ITGA8: variants seen among roughly 807,000 people sequenced by gnomAD.
ITGA8 encodes integrin subunit alpha 8.
ITGA8 carries 91 observed loss-of-function variants against 142.3 expected under a neutral mutation model. The observed-to-expected ratio is 0.64, with a 90% CI of 0.54 to 0.76. The LOEUF is 0.76. Among genes scored for constraint, ITGA8 ranks in the 30% least tolerant of loss-of-function variants. The probability of loss-of-function intolerance (pLI) is 0.00; values close to 1 mark genes in which losing one functional copy is unlikely to be tolerated. For synonymous variants in ITGA8, 505 were observed against 485.2 expected (o/e 1.04, Z -0.54); for missense variants, 1,406 against 1,327.7 (o/e 1.06, Z -0.92).
At chr10:15,546,889 A>G (rs545201430) in intron 27 of ITGA8, among the ~76,000 whole-genome samples, 1 of 152,148 alleles carries the variant, frequency 6.6e-6, no homozygotes, top group Admixed American at 6.5e-5. Flanking sequence ...AGGGAAAGGA[A>G]GAAAGGAAGA....
intron 2 of ITGA8, among the ~76,000 whole-genome samples, chr10:15,692,158 C>A (rs1417767022): frequency 1.3e-5 from 2 of 152,002 alleles, no homozygotes; most frequent in Non-Finnish European, 2.9e-5. Context: ...GCCTTGAACT[C>A]CTGAACTCAA....
At chr10:15,710,422 C>G (rs2131737219) in intron 2 of ITGA8, among the ~76,000 whole-genome samples, 1 of 152,276 alleles carries the variant, frequency 6.6e-6, no homozygotes, top group South Asian at 2.1e-4. Flanking sequence ...TGCCCCTTTT[C>G]TTTCTTCTTA....
chr10:15,623,289 C>T (rs1833525900), intron 13 of ITGA8, among the ~76,000 whole-genome samples: 1 of 152,104 alleles, frequency 6.6e-6, no homozygotes, highest in African/African-American at 2.4e-5. Context: ...AAGTTTAAAC[C>T]CAGGCAGTCT....
At chr10:15,593,632 T>C (rs1250993609) in intron 21 of ITGA8, among the ~76,000 whole-genome samples, 2 of 152,182 alleles carry the variant, frequency 1.3e-5, no homozygotes, top group Non-Finnish European at 2.9e-5. Flanking sequence ...ATCATCTCTT[T>C]TGTCATAAAT....
At chr10:15,709,509 A>G (rs932663577) in intron 2 of ITGA8, among the ~76,000 whole-genome samples, 13 of 152,216 alleles carry the variant, frequency 8.5e-5, no homozygotes, top group Non-Finnish European at 1.3e-4. Context: ...CTAAACACCA[A>G]TTCATGCTAT....
chr10:15,643,915 C>T (rs1833915558), intron 13 of ITGA8, 115 bp downstream of exon 13: 2 of 869,880 alleles, frequency 2.3e-6, no homozygotes, highest in Non-Finnish European at 3.4e-6. Flanking sequence ...CTGTGGCATG[C>T]TTAAGCTTCA....
rs1342506123 is a variant in ITGA8, at chr10:15,719,906, G to A, written c.-135C>T. ...TCGGTGCGCTCGGCGCACCCGTGGT[G>A]ACAGTGCCCGGCGTCTGCTCCCACC... is the stretch of plus-strand genomic sequence containing the variant. On this transcript the variant is annotated 5_prime_UTR_variant, in exon 1 of 30. Transcript: ENST00000378076. 4.6e-6 allele frequency: 3 copies of A among 654,288 alleles called. No individual in the cohort carries two copies. Among genetic ancestry groups the A allele is most frequent in the Non-Finnish European group, 6.6e-6 (3 of 455,586 alleles). The allele number at this position is 654,288 out of a possible 1,614,324, so 40.5% of individuals were successfully genotyped here.
chr10:15,626,548 G>A (rs1007987334), intron 13 of ITGA8, among the ~76,000 whole-genome samples: 7 of 152,038 alleles, frequency 4.6e-5, no homozygotes, highest in East Asian at 3.9e-4. Flanking sequence ...CAATCAAATC[G>A]CTGCTCCTAA....
chr10:15,607,017 A>T (rs974793738), intron 17 of ITGA8, among the ~76,000 whole-genome samples: 7 of 152,130 alleles, frequency 4.6e-5, no homozygotes, highest in Admixed American at 2.6e-4. Context: ...TTGTTTGCCA[A>T]TCAAGGGTCA....
chr10:15,637,568 G>A (rs1268348611), intron 13 of ITGA8, among the ~76,000 whole-genome samples: 1 of 149,072 alleles, frequency 6.7e-6, no homozygotes, highest in Non-Finnish European at 1.5e-5. Flanking sequence ...CTGGAGTGCA[G>A]TGGTGAGATC....
intron 23 of ITGA8, 52 bp downstream of exon 23, chr10:15,586,532 T>C: frequency 9.4e-7 from 1 of 1,064,224 alleles, no homozygotes; most frequent in Non-Finnish European, 1.4e-6. Context: ...TAGTATTTTA[T>C]CTTAACTCTA....
intron 2 of ITGA8, 27 bp downstream of exon 2, chr10:15,718,739 C>T: frequency 1.9e-6 from 3 of 1,610,770 alleles, no homozygotes; most frequent in East Asian, 4.5e-5. Context: ...CCCAGGCCCA[C>T]AGCTTAGAAG....
At chr10:15,582,094 C>G (rs1011554989) in intron 23 of ITGA8, among the ~76,000 whole-genome samples, 9 of 152,152 alleles carry the variant, frequency 5.9e-5, no homozygotes, top group Non-Finnish European at 1.3e-4. Context: ...TAAACATTAA[C>G]TCAGCATGGT....
At position 15,710,584 on chromosome 10, in the gene ITGA8, G is replaced by GT. The variant is rs112784979; in HGVS notation, c.343+8181dup. On this transcript the variant is annotated intron_variant, in intron 2 of 29. Coordinates refer to ENST00000378076, the MANE Select transcript of ITGA8 (RefSeq NM_003638.3). ...AATGCAGGAGGACATGGTGCAGGGT[G>GT]TGTGGCAACACGTGTGTATGCAAGA... is the stretch of plus-strand genomic sequence containing the variant. Among the ~76,000 whole-genome samples, 32 of 152,334 alleles carry GT rather than the reference G, an allele frequency of 2.1e-4. 1 individual carries two copies. The highest frequency in any genetic ancestry group is 7.2e-4 in the African/African-American group (30 of 41,580).
chr10:15,605,777 C>T lies in ITGA8; in HGVS notation c.1917G>A (p.Val639=), dbSNP rs1365971407. 2 of 1,613,376 alleles carry T rather than the reference C, an allele frequency of 1.2e-6. No individual in the cohort carries two copies. The highest frequency in any genetic ancestry group is 1.7e-6 in the Non-Finnish European group (2 of 1,179,374). The change falls in exon 19 of 30, where the codon GTG becomes GTA. Residue 639 remains valine (V), a synonymous_variant. Transcript: ENST00000378076. ...CACACAGATTGTCTTCTCCACAGTCCACCAGAATGTGAGCCTGTGTTGTAT... is the reference window on the plus strand; with the variant it reads ...CACACAGATTGTCTTCTCCACAGTCTACCAGAATGTGAGCCTGTGTTGTAT... The part of the protein sequence containing the change: ...NIVSEQAHIL[V]DCGEDNLCVP...
At chr10:15,590,881 C>T (rs1486331296) in intron 22 of ITGA8, among the ~76,000 whole-genome samples, 1 of 152,106 alleles carries the variant, frequency 6.6e-6, no homozygotes, top group Non-Finnish European at 1.5e-5. Flanking sequence ...AGAAAGATTT[C>T]ATTAAGGTCA....
At chr10:15,633,962 C>G (rs531619683) in intron 13 of ITGA8, among the ~76,000 whole-genome samples, 6 of 152,140 alleles carry the variant, frequency 3.9e-5, no homozygotes, top group African/African-American at 1.4e-4. Context: ...ATTCAATGCT[C>G]CCTGTTCTGC....
intron 25 of ITGA8, among the ~76,000 whole-genome samples, chr10:15,562,163 G>A (rs922213045): frequency 2.0e-5 from 3 of 152,200 alleles, no homozygotes; most frequent in African/African-American, 7.2e-5. Flanking sequence ...AACCCTATCA[G>A]GTGGGGAGGG....
At chr10:15,653,183 C>T (rs1003106793) in intron 11 of ITGA8, among the ~76,000 whole-genome samples, 1 of 152,292 alleles carries the variant, frequency 6.6e-6, no homozygotes, top group African/African-American at 2.4e-5. Context: ...TCCTTCCTCC[C>T]TCCCTCCCTC....
Sources: allele counts gnomAD v4.1 joint callset (sites outside exome capture counted in the v4.1 genomes callset), GRCh38; gene constraint gnomAD v4.1.1; transcripts MANE v1.5; gene names NCBI Gene and HGNC (gene_info 2026-07-23, HGNC 2026-07-21).